Variants in MCM4 observed in about 807,000 individuals in gnomAD.
The protein encoded by MCM4 is minichromosome maintenance complex component 4, also known as DNA replication licensing factor MCM4.
Under a neutral mutation model 88.7 loss-of-function variants are expected in MCM4, and 60 were observed. The ratio of observed to expected loss-of-function variants is 0.68; its 90% CI spans 0.55 to 0.84. The LOEUF is 0.84. Ranked by LOEUF, MCM4 falls within the 40% of genes least tolerant of loss-of-function variation. The probability of loss-of-function intolerance (pLI) is 0.00; values close to 1 mark genes in which losing one functional copy is unlikely to be tolerated. For missense variants in MCM4, 1,149 were observed against 1,105.5 expected (o/e 1.04, Z -0.56); for synonymous variants, 465 against 410.5 (o/e 1.13, Z -1.61).
At chr8:47,963,430 G>A (rs138859431) in intron 7 of MCM4, among the ~76,000 whole-genome samples, 116 of 152,214 alleles carry the variant, frequency 7.6e-4, no homozygotes, top group African/African-American at 2.6e-3. Context: ...TCCAGCCTGG[G>A]CAACAGTGAG....
At chr8:47,961,403 G>A in intron 2 of MCM4, 113 bp from the exon 3 acceptor site, 2 of 1,583,256 alleles carry the variant, frequency 1.3e-6, no homozygotes, top group African/African-American at 2.7e-5. Flanking sequence ...ATTGCCATTT[G>A]CCTCTGTTTG....
rs2090836472 is a variant in MCM4, at chr8:47,961,587, T to A, written c.142T>A (p.Leu48Met). 1 of 1,613,680 alleles carries A rather than the reference T, an allele frequency of 6.2e-7. No individual in the cohort carries two copies. Among genetic ancestry groups the A allele is most frequent in the South Asian group, 1.1e-5 (1 of 91,062 alleles). ...RGEDSTSTGE[L>M]QPMPTSPGVD... ...CGAGGATTCCACCTCCACGGGGGAG[T>A]TGCAGCCGATGCCAACCTCGCCTGG... Residue 48 changes from leucine (L) to methionine (M), a missense_variant, in exon 3 of 17, where the codon TTG becomes ATG. This residue lies in a region of MCM4 where 906 missense variants were observed against 843.0 expected (regional missense o/e 1.07). Coordinates refer to ENST00000649973, the MANE Select transcript of MCM4 (RefSeq NM_182746.3).
intron 4 of MCM4, 33 bp from the exon 5 acceptor site, chr8:47,962,270 CTG>C (rs771538965): frequency 5.6e-6 from 9 of 1,614,000 alleles, no homozygotes; most frequent in Non-Finnish European, 7.6e-6. Flanking sequence ...GTGGGTAACT[CTG>C]TTTTCATGAT....
At position 47,966,275 on chromosome 8, in the gene MCM4, A is replaced by G. The variant is rs1374966322; in HGVS notation, c.921A>G (p.Gln307=). 1.2e-6 allele frequency: 2 copies of G among 1,613,910 alleles called. No homozygotes were observed. Among genetic ancestry groups the G allele is most frequent in the Non-Finnish European group, 1.7e-6 (2 of 1,180,014 alleles). ...PEMQEAFFQC[Q]VCAHTTRVEM... Reference sequence around the variant, plus strand: ...TGCAGGAGGCCTTCTTCCAGTGCCAAGTGTGTGCCCACACGACCCGGGTGG... The same window carrying G: ...TGCAGGAGGCCTTCTTCCAGTGCCAGGTGTGTGCCCACACGACCCGGGTGG... Residue 307 remains glutamine, a synonymous_variant, in exon 9 of 17, where the codon CAA becomes CAG. Transcript: ENST00000649973.
chr8:47,970,801 G>A lies in MCM4; in HGVS notation c.1725G>A (p.Glu575=). The change falls in exon 12 of 17, where the codon GAG becomes GAA. Residue 575 remains glutamate (E), a synonymous_variant. Transcript: ENST00000649973. ...ACAACGGCATCTGCTGTATCGATGA[G>A]TTCGACAAGATGAATGAAAGTACAA... ...LSDNGICCID[E]FDKMNESTRS... 1.6e-5 allele frequency: 26 copies of A among 1,613,890 alleles called. No individual in the cohort carries two copies. The highest frequency in any genetic ancestry group is 2.2e-5 in the Non-Finnish European group (26 of 1,179,804).
intron 7 of MCM4, among the ~76,000 whole-genome samples, chr8:47,964,229 T>G (rs1183264311): frequency 6.6e-6 from 1 of 152,034 alleles, no homozygotes; most frequent in Non-Finnish European, 1.5e-5. Flanking sequence ...GCCTCAAAAA[T>G]TAAAAATAAA....
At chr8:47,971,280 C>G in intron 12 of MCM4, 61 bp from the exon 13 acceptor site, 1 of 1,601,882 alleles carries the variant, frequency 6.2e-7, no homozygotes, top group Non-Finnish European at 8.5e-7. Flanking sequence ...CGGGCGAAGA[C>G]GGTGCTTGTT....
Position 47,970,790 on chromosome 8 carries a change from T to A in MCM4, c.1714T>A (p.Cys572Ser), listed in dbSNP as rs749077903. Residue 572 changes from cysteine to serine, a missense_variant, in exon 12 of 17, where the codon TGT becomes AGT. Transcript: ENST00000649973. The stretch of plus-strand genomic sequence containing the variant: ...TGTCCTGAGTGACAACGGCATCTGC[T>A]GTATCGATGAGTTCGACAAGATGAA... ...ALVLSDNGIC[C>S]IDEFDKMNES... The A allele has an allele frequency of 6.2e-7, 1 of 1,614,206 alleles. No individual in the cohort carries two copies. Among genetic ancestry groups the A allele is most frequent in the South Asian group, 1.1e-5 (1 of 91,078 alleles).
chr8:47,965,250 G>C (rs770349957), intron 8 of MCM4, among the ~76,000 whole-genome samples: 54 of 152,030 alleles, frequency 3.6e-4, no homozygotes, highest in Middle Eastern at 6.8e-3. Context: ...AAGATTTGAG[G>C]ATCACTTGAG....
Position 47,961,499 on chromosome 8 carries a change from G to C in MCM4, c.71-17G>C. ...CTGAAAGTTAATGGCTGTCTTTTCTGTTTTGTGTGACACAAGCTCGGAGTG... is the reference window on the plus strand; with the variant it reads ...CTGAAAGTTAATGGCTGTCTTTTCTCTTTTGTGTGACACAAGCTCGGAGTG... On this transcript the variant is annotated splice_polypyrimidine_tract_variant and intron_variant, in intron 2 of 16. Coordinates refer to ENST00000649973, the MANE Select transcript of MCM4 (RefSeq NM_182746.3). 1 of 1,613,672 alleles carries C rather than the reference G, an allele frequency of 6.2e-7. No individual in the cohort carries two copies. Among genetic ancestry groups the C allele is most frequent in the Non-Finnish European group, 8.5e-7 (1 of 1,180,028 alleles).
At chr8:47,971,285 C>A in intron 12 of MCM4, 56 bp from the exon 13 acceptor site, 1 of 1,606,228 alleles carries the variant, frequency 6.2e-7, no homozygotes, top group Non-Finnish European at 8.5e-7. Flanking sequence ...GAAGACGGTG[C>A]TTGTTAATTG....
chr8:47,967,472 A>G lies in MCM4; in HGVS notation c.1161A>G (p.Arg387=). 6.2e-7 allele frequency: 1 copy of G among 1,614,166 alleles called. No individual in the cohort carries two copies. The highest frequency in any genetic ancestry group is 8.5e-7 in the Non-Finnish European group (1 of 1,180,006). The change falls in exon 10 of 17, where the codon AGA becomes AGG. Residue 387 remains arginine (R), a synonymous_variant. Transcript: ENST00000649973. The part of the protein sequence containing the change: ...DLVDKVQPGD[R]VNVTGIYRAV... ...TTGACAAGGTCCAGCCTGGGGACAG[A>G]GTGAATGTTACAGGTAAGAGTGTAG... is the stretch of plus-strand genomic sequence containing the variant.
chr8:47,966,528 G>C, intron 9 of MCM4, 121 bp downstream of exon 9: 1 of 1,007,668 alleles, frequency 9.9e-7, no homozygotes, highest in Non-Finnish European at 1.4e-6. Context: ...TCCCTCTCTG[G>C]TCTTGTGGGT....
chr8:47,976,559 G>T lies in MCM4; in HGVS notation c.2500-127G>T, dbSNP rs1001095395. On this transcript the variant is annotated intron_variant, in intron 16 of 16. Coordinates refer to ENST00000649973, the MANE Select transcript of MCM4 (RefSeq NM_182746.3). ...CTCCACTCCTGATTTAGAGCATAAG[G>T]CATGTGTACAGCCACCAAAAAGAGA... 3 of 608,824 alleles carry T rather than the reference G, an allele frequency of 4.9e-6. No individual in the cohort carries two copies. The East Asian group carries it at 9.5e-5, about 19-fold the overall frequency. 37.7% of individuals were successfully genotyped at this position (608,824 alleles called of 1,614,324 possible).
rs1420095496 is a variant in MCM4, at chr8:47,964,577, G to A, written c.697G>A (p.Val233Ile). Residue 233 changes from valine to isoleucine, a missense_variant, in exon 8 of 17, where the codon GTT becomes ATT. Transcript: ENST00000649973. Reference sequence around the variant, plus strand: ...ATCTTCATATTTGTTTTTACAGGAAGTTATTCCAACTTTTGACATGGCTGT... The same window carrying A: ...ATCTTCATATTTGTTTTTACAGGAAATTATTCCAACTTTTGACATGGCTGT... The part of the protein sequence containing the change: ...YRQLISYPQE[V>I]IPTFDMAVNE... 1 of 1,589,112 alleles carries A rather than the reference G, an allele frequency of 6.3e-7. No individual in the cohort carries two copies. Among genetic ancestry groups the A allele is most frequent in the Admixed American group, 1.9e-5 (1 of 52,040 alleles).
At chr8:47,974,474 C>T in intron 14 of MCM4, 1 of 437,152 alleles carries the variant, frequency 2.3e-6, no homozygotes, top group Non-Finnish European at 4.2e-6. Flanking sequence ...ACGTTAGATG[C>T]CACCCTCTCC....
At chr8:47,973,160 G>A (rs560021463) in intron 14 of MCM4, 96 bp downstream of exon 14, 60 of 1,109,442 alleles carry the variant, frequency 5.4e-5, no homozygotes, top group Non-Finnish European at 6.8e-5. Context: ...ATTTTGTTAC[G>A]AATAACATAC....
chr8:47,970,438 C>T (rs1233255568), intron 11 of MCM4, 73 bp from the exon 12 acceptor site: 9 of 1,495,120 alleles, frequency 6.0e-6, no homozygotes, highest in Admixed American at 4.4e-5. Flanking sequence ...GAGAAAAGTA[C>T]CTCTAAAGTT....
At chr8:47,964,467 T>A in intron 7 of MCM4, 107 bp from the exon 8 acceptor site, 1 of 780,812 alleles carries the variant, frequency 1.3e-6, no homozygotes. Flanking sequence ...GGTAATACTT[T>A]GGGGACATGA....
Sources: allele counts gnomAD v4.1 joint callset (sites outside exome capture counted in the v4.1 genomes callset), GRCh38; gene constraint gnomAD v4.1.1; regional missense constraint gnomAD v4.1.1; transcripts MANE v1.5; gene names NCBI Gene and HGNC (gene_info 2026-07-23, HGNC 2026-07-21).